The following DENND1A variants were observed in gnomAD, a reference collection of about 807,000 sequenced individuals.
DENND1A encodes DENN domain-containing protein 1A.
Under a neutral mutation model 113.7 loss-of-function variants are expected in DENND1A, and 51 were observed. That is an observed-to-expected ratio of 0.45 (90% CI 0.36 to 0.57). The LOEUF (loss-of-function observed/expected upper bound fraction) is 0.57. DENND1A is among the 20% of genes least tolerant of loss of function. The probability of loss-of-function intolerance (pLI) is 0.00; values close to 1 mark genes in which losing one functional copy is unlikely to be tolerated. For synonymous variants in DENND1A, 565 were observed against 570.8 expected (o/e 0.99, Z 0.14); for missense variants, 1,258 against 1,395.9 (o/e 0.90, Z 1.57).
chr9:123,477,039 A>G (rs534953384), intron 13 of DENND1A, among the ~76,000 whole-genome samples: 1 of 152,276 alleles, frequency 6.6e-6, no homozygotes, highest in East Asian at 1.9e-4. Flanking sequence ...CTATCTTACT[A>G]CATCCCAAGG....
chr9:123,768,632 T>C (rs1411805848), intron 4 of DENND1A, among the ~76,000 whole-genome samples: 4 of 152,144 alleles, frequency 2.6e-5, no homozygotes, highest in Non-Finnish European at 4.4e-5. Flanking sequence ...TACAGTTTCA[T>C]AGTTCAAATT....
rs1273899729 is a variant in DENND1A, at chr9:123,676,804, G to C, written c.303-15C>G. On this transcript the variant is annotated splice_polypyrimidine_tract_variant and intron_variant, in intron 5 of 23. Transcript: ENST00000394215. ...AGGGGAGATAGCTGGAGGAAGAAGA[G>C]GAAACACATGAAATATTAGTATGCA... 2 of 1,612,432 alleles carry C rather than the reference G, an allele frequency of 1.2e-6. No homozygotes were observed. Among genetic ancestry groups the C allele is most frequent in the Non-Finnish European group, 1.7e-6 (2 of 1,178,752 alleles).
rs546662189 is a variant in DENND1A, at chr9:123,638,820, C to T, written c.619-8344G>A. On this transcript the variant is annotated intron_variant, in intron 9 of 23. Coordinates refer to ENST00000394215, the MANE Select transcript of DENND1A (RefSeq NM_001352964.2). ...CACTCAAGAAGAAATCGATTTGCCA[C>T]CTCAAATCTAGTCTAAGTGGATATT... Among the ~76,000 whole-genome samples the T allele has an allele frequency of 4.6e-5, 7 of 151,890 alleles. No individual in the cohort carries two copies. In the East Asian group the frequency reaches 1.4e-3, roughly 29 times the overall value.
At chr9:123,519,407 T>A (rs78413802) in intron 13 of DENND1A, among the ~76,000 whole-genome samples, 8,055 of 151,400 alleles carry the variant, frequency 0.053, 683 homozygotes, top group African/African-American at 0.18. Flanking sequence ...TCAGATTCCA[T>A]CCCCAGAGCT....
intron 5 of DENND1A, among the ~76,000 whole-genome samples, chr9:123,755,532 A>T (rs1299861427): frequency 6.6e-6 from 1 of 151,458 alleles, no homozygotes; most frequent in Non-Finnish European, 1.5e-5. Context: ...AACTGCTAGG[A>T]TTACAGGAGT....
At chr9:123,808,990 C>G (rs1836083455) in intron 2 of DENND1A, among the ~76,000 whole-genome samples, 1 of 152,146 alleles carries the variant, frequency 6.6e-6, no homozygotes, top group Non-Finnish European at 1.5e-5. Context: ...CCAAAAAGCC[C>G]CTGCAACTAA....
intron 2 of DENND1A, among the ~76,000 whole-genome samples, chr9:123,842,024 T>C (rs556670744): frequency 1.3e-5 from 2 of 152,224 alleles, no homozygotes; most frequent in African/African-American, 4.8e-5. Flanking sequence ...GAAGAAATGT[T>C]TCATACCTCA....
intron 13 of DENND1A, among the ~76,000 whole-genome samples, chr9:123,486,293 C>T (rs2050858149): frequency 6.6e-6 from 1 of 152,108 alleles, no homozygotes; most frequent in South Asian, 2.1e-4. Context: ...GCAACGTGTC[C>T]CAGGTCAAGG....
chr9:123,808,301 C>T (rs79362624), intron 2 of DENND1A, among the ~76,000 whole-genome samples: 11,676 of 152,010 alleles, frequency 0.077, 906 homozygotes, highest in African/African-American at 0.2. Flanking sequence ...CAGAGGTTAT[C>T]AGCCTTTAGC....
At chr9:123,402,640 G>A (rs541374072) in intron 21 of DENND1A, 31 of 534,188 alleles carry the variant, frequency 5.8e-5, no homozygotes, top group African/African-American at 4.2e-4. Context: ...GCGTGTAGCC[G>A]CTGAGTTGTC....
chr9:123,631,125 A>G (rs944998404), intron 9 of DENND1A, among the ~76,000 whole-genome samples: 1 of 152,166 alleles, frequency 6.6e-6, no homozygotes, highest in Non-Finnish European at 1.5e-5. Context: ...TAATAAATAC[A>G]TATCTCATAA....
intron 9 of DENND1A, among the ~76,000 whole-genome samples, chr9:123,637,432 A>T (rs2061763364): frequency 1.3e-5 from 2 of 152,162 alleles, no homozygotes; most frequent in Non-Finnish European, 2.9e-5. Flanking sequence ...CATGATTCAA[A>T]CACTGCTGTG....
intron 19 of DENND1A, among the ~76,000 whole-genome samples, chr9:123,418,820 T>C (rs1470792632): frequency 6.6e-6 from 1 of 152,196 alleles, no homozygotes; most frequent in Non-Finnish European, 1.5e-5. Context: ...AGCAAGTGCG[T>C]AACAGGCCCT....
intron 15 of DENND1A, among the ~76,000 whole-genome samples, chr9:123,456,606 T>C (rs1484971067): frequency 6.6e-6 from 1 of 151,756 alleles, no homozygotes; most frequent in East Asian, 1.9e-4. Flanking sequence ...AGGTCAGGAG[T>C]TTGAGACCAG....
chr9:123,726,451 T>C (rs1462770045), intron 5 of DENND1A, among the ~76,000 whole-genome samples: 1 of 152,158 alleles, frequency 6.6e-6, no homozygotes, highest in African/African-American at 2.4e-5. Context: ...ATTCCAAAAA[T>C]GACCATTTCC....
intron 2 of DENND1A, among the ~76,000 whole-genome samples, chr9:123,799,095 C>T (rs1030146427): frequency 1.3e-5 from 2 of 152,124 alleles, no homozygotes; most frequent in Non-Finnish European, 2.9e-5. Context: ...TATGACATCA[C>T]TCCATATGGT....
chr9:123,531,779 G>T (rs565508581), intron 13 of DENND1A, among the ~76,000 whole-genome samples: 1 of 152,196 alleles, frequency 6.6e-6, no homozygotes, highest in East Asian at 1.9e-4. Flanking sequence ...AAAAATGGTA[G>T]CCTACTTTTA....
chr9:123,897,201 G>C (rs1850893646), intron 1 of DENND1A, among the ~76,000 whole-genome samples: 1 of 152,210 alleles, frequency 6.6e-6, no homozygotes. Flanking sequence ...AAGTAGAGTA[G>C]CAGATGAAAT....
chr9:123,677,248 C>T (rs538306474), intron 5 of DENND1A, among the ~76,000 whole-genome samples: 1 of 152,184 alleles, frequency 6.6e-6, no homozygotes. Flanking sequence ...GAGCCCAAAG[C>T]CATCCATGTT....
Sources: gnomAD v4.1 joint callset for allele counts (sites outside exome capture counted in the v4.1 genomes callset) on GRCh38, gnomAD v4.1.1 for gene constraint, MANE v1.5 for transcripts, NCBI Gene and HGNC (gene_info 2026-07-23, HGNC 2026-07-21) for gene names.